The following TTC28 variants were observed in gnomAD, a reference collection of about 807,000 sequenced individuals.
The protein encoded by TTC28 is tetratricopeptide repeat domain 28.
A neutral mutation model predicts 198.0 loss-of-function variants in TTC28; 61 were observed. The observed-to-expected ratio is 0.31, with a 90% CI of 0.25 to 0.38. TTC28 has a LOEUF of 0.38. Among genes scored for constraint, TTC28 ranks in the 10% least tolerant of loss-of-function variants. The pLI, the probability that TTC28 is intolerant of heterozygous loss-of-function variation, is 1.00. For missense variants in TTC28, 2,678 were observed against 3,164.0 expected, an observed-to-expected ratio of 0.85 and a Z score of 3.69; for synonymous variants, 1,171 against 1,297.8, an observed-to-expected ratio of 0.90 and a Z score of 2.10.
In TTC28 at chr22:27,978,828, G is replaced by T. The variant is rs898142610; in HGVS notation, c.*3393C>A. 3 of 152,220 alleles carry T rather than the reference G, an allele frequency of 2.0e-5. No individual in the cohort carries two copies. Among genetic ancestry groups the T allele is most frequent in the Admixed American group, 6.5e-5 (1 of 15,290 alleles). 9.4% of individuals were successfully genotyped at this position (152,220 alleles called of 1,614,324 possible). On this transcript the variant is annotated 3_prime_UTR_variant, in exon 23 of 23. Transcript: ENST00000397906. ...GACTCCCTTGCTCTGTGGTCCTGCT[G>T]AGGTTTCTAAGAGAGGGGAGTTGTA...
At chr22:28,628,461 A>G (rs758381977) in intron 2 of TTC28, among the ~76,000 whole-genome samples, 6 of 152,200 alleles carry the variant, frequency 3.9e-5, no homozygotes, top group Admixed American at 1.3e-4. Context: ...TTGTGTCATA[A>G]GAGAACCTAA....
At chr22:28,078,644 A>C (rs1941241886) in intron 12 of TTC28, among the ~76,000 whole-genome samples, 1 of 152,172 alleles carries the variant, frequency 6.6e-6, no homozygotes, top group Admixed American at 6.5e-5. Flanking sequence ...AAAGGTGATT[A>C]GACTATCTAT....
intron 2 of TTC28, among the ~76,000 whole-genome samples, chr22:28,618,141 G>C (rs2050931826): frequency 1.3e-5 from 2 of 151,972 alleles, no homozygotes; most frequent in South Asian, 4.2e-4. Flanking sequence ...CAGGCGTGGT[G>C]GTGGGTGCCT....
At chr22:28,169,973 T>A (rs185895668) in intron 5 of TTC28, among the ~76,000 whole-genome samples, 1 of 152,218 alleles carries the variant, frequency 6.6e-6, no homozygotes, top group Admixed American at 6.5e-5. Flanking sequence ...CTATCAGTTT[T>A]CCACAGACCT....
chr22:28,381,382 T>C (rs896588819), intron 2 of TTC28, among the ~76,000 whole-genome samples: 54 of 152,086 alleles, frequency 3.6e-4, no homozygotes, highest in African/African-American at 1.3e-3. Context: ...CTAAAAGAGA[T>C]AAAATGTGTG....
chr22:28,143,640 A>G (rs1459750019), intron 6 of TTC28, among the ~76,000 whole-genome samples: 1 of 152,236 alleles, frequency 6.6e-6, no homozygotes, highest in Non-Finnish European at 1.5e-5. Flanking sequence ...GGGAGGGGCC[A>G]AGGACAAAGA....
At chr22:28,056,982 T>A (rs1940316047) in intron 12 of TTC28, among the ~76,000 whole-genome samples, 1 of 152,210 alleles carries the variant, frequency 6.6e-6, no homozygotes, top group African/African-American at 2.4e-5. Context: ...GCTTCTTACT[T>A]TTTACTGGTG....
chr22:28,518,150 A>C (rs535027138), intron 2 of TTC28, among the ~76,000 whole-genome samples: 72 of 152,218 alleles, frequency 4.7e-4, no homozygotes, highest in African/African-American at 1.5e-3. Flanking sequence ...TCTTAGCAGA[A>C]ATCTTAAAAT....
At chr22:28,475,650 G>A (rs1198094471) in intron 2 of TTC28, among the ~76,000 whole-genome samples, 1 of 152,122 alleles carries the variant, frequency 6.6e-6, no homozygotes, top group East Asian at 1.9e-4. Flanking sequence ...TATATTCCAA[G>A]TAATAACATA....
chr22:28,101,575 G>T lies in TTC28; in HGVS notation c.3308-295C>A, dbSNP rs567734328. Among the ~76,000 whole-genome samples the T allele has an allele frequency of 4.6e-5, 7 of 151,944 alleles. No individual in the cohort carries two copies. The South Asian group carries it at 1.5e-3, about 32-fold the overall frequency. On this transcript the variant is annotated intron_variant, in intron 8 of 22. Transcript: ENST00000397906. ...AGGGTTTCACCATGTTGCCCAGGCT[G>T]GTCTCCAGCTCCTGATCCACCCACC...
chr22:28,586,827 A>G (rs1445527166), intron 2 of TTC28, among the ~76,000 whole-genome samples: 1 of 152,348 alleles, frequency 6.6e-6, no homozygotes, highest in Middle Eastern at 3.4e-3. Context: ...AATTCTTTGG[A>G]TATCTATACA....
rs568774366 is a variant in TTC28, at chr22:28,069,434, T to G, written c.3932+24646A>C. Among the ~76,000 whole-genome samples, 20 of 152,276 alleles carry G rather than the reference T, an allele frequency of 1.3e-4. No homozygotes were observed. The South Asian group carries it at 3.9e-3, about 30-fold the overall frequency. ...GCCCAAAGAGGTCATTTCTCTCTTC[T>G]TTGTCCAAAAAGAAGCAAGCTGAGA... is the stretch of plus-strand genomic sequence containing the variant. On this transcript the variant is annotated intron_variant, in intron 12 of 22. Coordinates refer to ENST00000397906, the MANE Select transcript of TTC28 (RefSeq NM_001145418.2).
chr22:28,433,375 C>T (rs555565224), intron 2 of TTC28, among the ~76,000 whole-genome samples: 20 of 152,264 alleles, frequency 1.3e-4, no homozygotes, highest in Non-Finnish European at 2.6e-4. Context: ...GGCCCTCCCC[C>T]TTAAAGTACC....
At chr22:28,250,400 T>C (rs1350232685) in intron 5 of TTC28, among the ~76,000 whole-genome samples, 1 of 152,204 alleles carries the variant, frequency 6.6e-6, no homozygotes, top group Non-Finnish European at 1.5e-5. Flanking sequence ...TATTATAATT[T>C]AAATACTTTA....
intron 2 of TTC28, among the ~76,000 whole-genome samples, chr22:28,340,549 G>A (rs902496780): frequency 6.6e-6 from 1 of 151,814 alleles, no homozygotes; most frequent in African/African-American, 2.4e-5. Flanking sequence ...CCAAAGCAGG[G>A]CAACCTTCTC....
Position 28,105,433 on chromosome 22 carries a change from G to A in TTC28, c.3153C>T (p.Gly1051=), listed in dbSNP as rs984967870. ...GNLGLTYESL[G]TFERAVVYQE... ...GATAGACCACAGCCCTCTCGAAGGT[G>A]CCCAGGGATTCATAAGTCAGGCCCA... Residue 1051 remains glycine (G), a synonymous_variant, in exon 8 of 23, where the codon GGC becomes GGT. Coordinates refer to ENST00000397906, the MANE Select transcript of TTC28 (RefSeq NM_001145418.2). 17 of 1,551,570 alleles carry A rather than the reference G, an allele frequency of 1.1e-5. No homozygotes were observed. The highest frequency in any genetic ancestry group is 1.5e-5 in the Non-Finnish European group (17 of 1,146,994).
At chr22:28,387,877 G>T (rs867259772) in intron 2 of TTC28, among the ~76,000 whole-genome samples, 61 of 152,172 alleles carry the variant, frequency 4.0e-4, no homozygotes, top group Admixed American at 1.5e-3. Context: ...TTTTGGCTTT[G>T]GTTGCCATTG....
intron 2 of TTC28, among the ~76,000 whole-genome samples, chr22:28,374,958 C>T (rs1225584177): frequency 6.6e-6 from 1 of 151,704 alleles, no homozygotes; most frequent in Non-Finnish European, 1.5e-5. Context: ...AGCAGTGGCT[C>T]ATGCCTGTAA....
At chr22:28,242,623 C>A (rs933467558) in intron 5 of TTC28, among the ~76,000 whole-genome samples, 1 of 152,106 alleles carries the variant, frequency 6.6e-6, no homozygotes, top group Non-Finnish European at 1.5e-5. Context: ...TGTTCTATAT[C>A]TTAAGGTTAT....
Sources: allele counts gnomAD v4.1 joint callset (sites outside exome capture counted in the v4.1 genomes callset), GRCh38; gene constraint gnomAD v4.1.1; transcripts MANE v1.5; gene names NCBI Gene and HGNC (gene_info 2026-07-23, HGNC 2026-07-21).